ASAP2: variants seen among roughly 807,000 people sequenced by gnomAD.
The protein encoded by ASAP2 is ArfGAP with SH3 domain, ankyrin repeat and PH domain 2, also known as arf-GAP with SH3 domain, ANK repeat and PH domain-containing protein 2.
A neutral mutation model predicts 131.4 loss-of-function variants in ASAP2; 45 were observed. The ratio of observed to expected loss-of-function variants is 0.34; its 90% CI spans 0.27 to 0.44. ASAP2 has a LOEUF of 0.44. Among genes scored for constraint, ASAP2 ranks in the 20% least tolerant of loss-of-function variants. The probability of loss-of-function intolerance (pLI) is 1.00; values close to 1 mark genes in which losing one functional copy is unlikely to be tolerated. For missense variants in ASAP2, 1,011 were observed against 1,297.0 expected (o/e 0.78, Z 3.39); for synonymous variants, 510 against 503.0 (o/e 1.01, Z -0.19).
At chr2:9,387,624 AG>A (rs1450796966) in intron 21 of ASAP2, among the ~76,000 whole-genome samples, 1 of 152,222 alleles carries the variant, frequency 6.6e-6, no homozygotes, top group Admixed American at 6.5e-5. Flanking sequence ...GGGGAACTTC[AG>A]GGAAAATGCT....
chr2:9,243,167 G>A (rs1459114909), intron 1 of ASAP2, among the ~76,000 whole-genome samples: 1 of 152,190 alleles, frequency 6.6e-6, no homozygotes, highest in Non-Finnish European at 1.5e-5. Flanking sequence ...GGAGTGCAGT[G>A]GCACAACCTC....
Position 9,207,227 on chromosome 2 carries a change from G to A in ASAP2, c.123G>A (p.Glu41=), listed in dbSNP as rs776119590. The A allele has an allele frequency of 2.5e-6, 4 of 1,586,754 alleles. No individual in the cohort carries two copies. Among genetic ancestry groups the A allele is most frequent in the Non-Finnish European group, 3.4e-6 (4 of 1,169,110 alleles). The change falls in exon 1 of 28, where the codon GAG becomes GAA. Residue 41 remains glutamate (E), a synonymous_variant. Coordinates refer to ENST00000281419, the MANE Select transcript of ASAP2 (RefSeq NM_003887.3). This position sits in a 1 kb window ranked among gnomAD's most constrained non-coding sequence, Gnocchi z 4.1. ...GCCGGAACACTGTGGCGGCCATCGA[G>A]GAGGTGAGGCGGCCTGCGCGGCGGC... is the stretch of plus-strand genomic sequence containing the variant. ...AQCRNTVAAI[E]EALDVDRMVL...
In ASAP2 at chr2:9,257,516, T is replaced by C. The variant is rs574792576; in HGVS notation, c.127-21801T>C. 2.0e-5 allele frequency among the ~76,000 whole-genome samples: 3 copies of C among 152,264 alleles called. No individual in the cohort carries two copies. In the South Asian group the frequency reaches 6.2e-4, roughly 32 times the overall value. On this transcript the variant is annotated intron_variant, in intron 1 of 27. Coordinates refer to ENST00000281419, the MANE Select transcript of ASAP2 (RefSeq NM_003887.3). The stretch of plus-strand genomic sequence containing the variant: ...AACAGGCTAGGAGAATGTGAAAGTG[T>C]GGTTGTTTTGTTTTGTTTTTGAGAC...
In ASAP2 at chr2:9,207,070, C is replaced by G. The variant is rs1197910907; in HGVS notation, c.-35C>G. On this transcript the variant is annotated 5_prime_UTR_variant, in exon 1 of 28. Transcript: ENST00000281419. This position sits in a 1 kb window ranked among gnomAD's most constrained non-coding sequence, Gnocchi z 4.1. ...TGCGGCAGTTGAGGCGGCGGCGCCC[C>G]TGCGGCTGTGCGCCAGCGCCCTCGC... 6.6e-7 allele frequency: 1 copy of G among 1,513,676 alleles called. No homozygotes were observed. The highest frequency in any genetic ancestry group is 1.2e-5 in the South Asian group (1 of 82,744). 93.8% of individuals were successfully genotyped at this position (1,513,676 alleles called of 1,614,324 possible). A position where few individuals can be genotyped will look rare whatever the true frequency, so the allele number is the denominator to read the frequency against.
At chr2:9,292,162 C>A (rs889476945) in intron 2 of ASAP2, among the ~76,000 whole-genome samples, 9 of 152,186 alleles carry the variant, frequency 5.9e-5, no homozygotes, top group African/African-American at 1.9e-4. Flanking sequence ...AGTATAGCAG[C>A]CCTGAGGAGG....
chr2:9,305,844 G>T (rs547438781), intron 3 of ASAP2, among the ~76,000 whole-genome samples: 1,889 of 148,082 alleles, frequency 0.013, no homozygotes, highest in African/African-American at 0.042. Context: ...GTAATAGTGG[G>T]GTATAGATAT....
intron 24 of ASAP2, among the ~76,000 whole-genome samples, chr2:9,395,122 G>T (rs1558401005): frequency 6.6e-6 from 1 of 152,342 alleles, no homozygotes; most frequent in South Asian, 2.1e-4. Flanking sequence ...CTCAGACACA[G>T]TCGGGGCAGA....
intron 18 of ASAP2, among the ~76,000 whole-genome samples, chr2:9,378,663 T>G (rs57553892): frequency 0.082 from 12,524 of 152,210 alleles, 1,628 homozygotes; most frequent in African/African-American, 0.28. Context: ...CTGCCCCACC[T>G]TGGCCCCACA....
intron 2 of ASAP2, among the ~76,000 whole-genome samples, chr2:9,287,397 G>A (rs1407215189): frequency 6.6e-6 from 1 of 152,212 alleles, no homozygotes; most frequent in African/African-American, 2.4e-5. Context: ...TTATTTAGTT[G>A]TAAGAGCAGC....
In ASAP2 at chr2:9,344,543, T is replaced by C. The variant is rs1671824813; in HGVS notation, c.861T>C (p.Ile287=). The C allele has an allele frequency of 1.2e-6, 2 of 1,613,862 alleles. No homozygotes were observed. Among genetic ancestry groups the C allele is most frequent in the Non-Finnish European group, 1.7e-6 (2 of 1,179,884 alleles). ...TCACCATTTTTTAGGACTCCCAAAT[T>C]CGTCAGAGCACAGCTTATAGCTTAC... is the stretch of plus-strand genomic sequence containing the variant. ...LQVEQKEDSQ[I]RQSTAYSLHQ... Residue 287 remains isoleucine, a synonymous_variant, in exon 10 of 28, where the codon ATT becomes ATC. Coordinates refer to ENST00000281419, the MANE Select transcript of ASAP2 (RefSeq NM_003887.3).
chr2:9,399,531 A>C, intron 24 of ASAP2: 1 of 161,172 alleles, frequency 6.2e-6, no homozygotes, highest in Non-Finnish European at 1.4e-5. Flanking sequence ...GCTGGCCCAG[A>C]GGTTCATGGA....
At chr2:9,216,860 A>C (rs1662086956) in intron 1 of ASAP2, among the ~76,000 whole-genome samples, 1 of 151,918 alleles carries the variant, frequency 6.6e-6, no homozygotes, top group Non-Finnish European at 1.5e-5. Context: ...TGCCCTCCCA[A>C]AGTGCTGGTA....
chr2:9,294,810 C>T (rs1224404784), intron 2 of ASAP2, among the ~76,000 whole-genome samples: 1 of 152,118 alleles, frequency 6.6e-6, no homozygotes, highest in Non-Finnish European at 1.5e-5. Flanking sequence ...AAGGAGGACA[C>T]CACGGCCCAG....
intron 1 of ASAP2, among the ~76,000 whole-genome samples, chr2:9,269,407 AC>A (rs1211453654): frequency 6.6e-6 from 1 of 152,148 alleles, no homozygotes; most frequent in African/African-American, 2.4e-5. Flanking sequence ...GTGTGTGCCC[AC>A]CCTGAGCCAG....
At chr2:9,228,143 A>G (rs1662910408) in intron 1 of ASAP2, among the ~76,000 whole-genome samples, 1 of 152,252 alleles carries the variant, frequency 6.6e-6, no homozygotes, top group Non-Finnish European at 1.5e-5. Flanking sequence ...AGTGTGAGAC[A>G]TAATTCATGG....
At chr2:9,374,607 TGGC>T in intron 16 of ASAP2, 145 bp from the exon 17 acceptor site, 1 of 697,162 alleles carries the variant, frequency 1.4e-6, no homozygotes, top group Non-Finnish European at 2.3e-6. Flanking sequence ...TAGAACCACA[TGGC>T]GGCCACTCCC....
At chr2:9,276,527 CATCTTTTTTTT>C (rs1168267210) in intron 1 of ASAP2, among the ~76,000 whole-genome samples, 5 of 151,942 alleles carry the variant, frequency 3.3e-5, no homozygotes, top group African/African-American at 9.7e-5. Flanking sequence ...CTTCCTGTGT[CATCTTTTTTTT>C]CTCTTTTTTT....
intron 3 of ASAP2, among the ~76,000 whole-genome samples, chr2:9,317,060 CACA>C (rs935549909): frequency 4.0e-5 from 6 of 150,292 alleles, no homozygotes; most frequent in African/African-American, 9.8e-5. Context: ...CCACACTCCA[CACA>C]ACCACACAAA....
At chr2:9,236,330 G>A (rs930400792) in intron 1 of ASAP2, among the ~76,000 whole-genome samples, 2 of 152,096 alleles carry the variant, frequency 1.3e-5, no homozygotes, top group African/African-American at 4.8e-5. Flanking sequence ...TATTAAGTTC[G>A]TCGACATCTT....
Sources: gnomAD v4.1 joint callset for allele counts (sites outside exome capture counted in the v4.1 genomes callset) on GRCh38, gnomAD v4.1.1 for gene constraint, Gnocchi (gnomAD v3.1) non-coding constraint, MANE v1.5 for transcripts, NCBI Gene and HGNC (gene_info 2026-07-23, HGNC 2026-07-21) for gene names.